CALCR: variants seen among roughly 807,000 people sequenced by gnomAD.
CALCR encodes the protein calcitonin receptor.
A neutral mutation model predicts 59.5 loss-of-function variants in CALCR; 47 were observed. That is an observed-to-expected ratio of 0.79 (90% confidence interval 0.63 to 1.01). The LOEUF is 1.01. Ranked by LOEUF, CALCR falls within the 50% of genes least tolerant of loss-of-function variation. The pLI is 0.00. For synonymous variants in CALCR, 213 were observed against 211.3 expected (o/e 1.01, Z -0.07); for missense variants, 566 against 597.1 (o/e 0.95, Z 0.54).
At chr7:93,498,281 GCATT>G (rs1354002322) in intron 2 of CALCR, among the ~76,000 whole-genome samples, 2 of 151,590 alleles carry the variant, frequency 1.3e-5, no homozygotes, top group Non-Finnish European at 3.0e-5. Flanking sequence ...TGCTCAATAA[GCATT>G]CAATGAATGA....
intron 2 of CALCR, among the ~76,000 whole-genome samples, chr7:93,536,723 C>A (rs781440670): frequency 2.1e-4 from 32 of 151,538 alleles, no homozygotes; most frequent in Non-Finnish European, 4.3e-4. Flanking sequence ...TCAGTAACTT[C>A]TGAATTTTTT....
chr7:93,543,686 A>G (rs1369608485), intron 2 of CALCR, among the ~76,000 whole-genome samples: 1 of 151,968 alleles, frequency 6.6e-6, no homozygotes, highest in Non-Finnish European at 1.5e-5. Flanking sequence ...CACACCTAAG[A>G]ATGTACAGTT....
At chr7:93,507,109 G>C (rs949448245) in intron 2 of CALCR, among the ~76,000 whole-genome samples, 1 of 152,092 alleles carries the variant, frequency 6.6e-6, no homozygotes, top group South Asian at 2.1e-4. Flanking sequence ...TTAGCAGTGT[G>C]AGAATGGACT....
intron 2 of CALCR, among the ~76,000 whole-genome samples, chr7:93,550,650 A>AGTTT (rs543363514): frequency 3.2e-4 from 40 of 126,302 alleles, no homozygotes; most frequent in African/African-American, 1.5e-3. Context: ...CGAGAGACAG[A>AGTTT]GTTTTGTAAC....
chr7:93,554,175 GTTTA>G (rs1412740449), intron 2 of CALCR, among the ~76,000 whole-genome samples: 3 of 152,020 alleles, frequency 2.0e-5, no homozygotes, highest in Admixed American at 6.6e-5. Context: ...GCTTTTATCT[GTTTA>G]TTTTTTATAT....
At chr7:93,566,421 A>G (rs1789865766) in intron 2 of CALCR, among the ~76,000 whole-genome samples, 1 of 152,208 alleles carries the variant, frequency 6.6e-6, no homozygotes, top group South Asian at 2.1e-4. Flanking sequence ...TTTAAAGCCT[A>G]TAAGAGATCG....
At chr7:93,456,130 G>A (rs1800204242) in intron 8 of CALCR, among the ~76,000 whole-genome samples, 1 of 152,140 alleles carries the variant, frequency 6.6e-6, no homozygotes, top group Non-Finnish European at 1.5e-5. Context: ...TGGGTGAAGT[G>A]TATGCTTCAC....
chr7:93,476,808 C>G (rs1800676314), intron 5 of CALCR, among the ~76,000 whole-genome samples: 1 of 151,830 alleles, frequency 6.6e-6, no homozygotes, highest in South Asian at 2.1e-4. Context: ...CATCAAATAG[C>G]ATTTAGTTAG....
At chr7:93,438,676 A>T (rs1233678054) in intron 9 of CALCR, among the ~76,000 whole-genome samples, 1 of 152,200 alleles carries the variant, frequency 6.6e-6, no homozygotes, top group Non-Finnish European at 1.5e-5. Context: ...GGGACGGTGT[A>T]TGAAAGCAAT....
intron 8 of CALCR, among the ~76,000 whole-genome samples, chr7:93,448,991 A>G (rs747027131): frequency 3.9e-5 from 6 of 151,994 alleles, no homozygotes; most frequent in Non-Finnish European, 8.8e-5. Flanking sequence ...GCAAACAACT[A>G]AAACCACATT....
chr7:93,443,859 T>A, intron 8 of CALCR, 102 bp from the exon 9 acceptor site: 1 of 979,752 alleles, frequency 1.0e-6, no homozygotes, highest in Non-Finnish European at 1.5e-6. Context: ...TGCATTCAGC[T>A]TGCAAGGCAG....
chr7:93,523,359 A>G (rs1801804580), intron 2 of CALCR, among the ~76,000 whole-genome samples: 1 of 152,166 alleles, frequency 6.6e-6, no homozygotes, highest in Non-Finnish European at 1.5e-5. Context: ...CTTGAAATAG[A>G]CTAGTGATAA....
intron 2 of CALCR, among the ~76,000 whole-genome samples, chr7:93,561,071 G>T (rs907821692): frequency 6.6e-6 from 1 of 152,132 alleles, no homozygotes; most frequent in Admixed American, 6.6e-5. Context: ...AAAGGAAACT[G>T]AGGCTAAGAG....
chr7:93,564,459 T>C (rs1278106262), intron 2 of CALCR, among the ~76,000 whole-genome samples: 2 of 151,702 alleles, frequency 1.3e-5, no homozygotes, highest in Middle Eastern at 3.4e-3. Context: ...TACTACACTT[T>C]TAAAAAAAAA....
At chr7:93,573,543 C>T (rs2116301817) in intron 2 of CALCR, among the ~76,000 whole-genome samples, 1 of 152,250 alleles carries the variant, frequency 6.6e-6, no homozygotes, top group African/African-American at 2.4e-5. Context: ...TCATATGAAA[C>T]TTTTCTTAGG....
intron 2 of CALCR, chr7:93,496,031 C>A: frequency 1.1e-6 from 1 of 949,918 alleles, no homozygotes; most frequent in South Asian, 1.7e-5. Flanking sequence ...AACAGAATGT[C>A]TTCATGTAAG....
intron 2 of CALCR, among the ~76,000 whole-genome samples, chr7:93,519,702 A>G (rs1039915395): frequency 2.6e-5 from 4 of 152,046 alleles, no homozygotes; most frequent in Non-Finnish European, 4.4e-5. Context: ...CCCCAGGTTA[A>G]GGGAGAGACC....
chr7:93,570,872 A>G (rs896447924), intron 2 of CALCR, among the ~76,000 whole-genome samples: 1 of 152,320 alleles, frequency 6.6e-6, no homozygotes, highest in South Asian at 2.1e-4. Flanking sequence ...TAATCAGACA[A>G]AACTGTTTTT....
chr7:93,441,127 A>G (rs1316498967), intron 9 of CALCR, among the ~76,000 whole-genome samples: 1 of 152,190 alleles, frequency 6.6e-6, no homozygotes, highest in Non-Finnish European at 1.5e-5. Flanking sequence ...CAAGAGCAGT[A>G]TAAATTGTTC....
Sources: gnomAD v4.1 joint callset for allele counts (sites outside exome capture counted in the v4.1 genomes callset) on GRCh38, gnomAD v4.1.1 for gene constraint, MANE v1.5 for transcripts, NCBI Gene and HGNC (gene_info 2026-07-23, HGNC 2026-07-21) for gene names.